The following FCAR variants were observed in gnomAD, a reference collection of about 807,000 sequenced individuals.
The protein encoded by FCAR is immunoglobulin alpha Fc receptor.
Under a neutral mutation model 27.1 loss-of-function variants are expected in FCAR, and 21 were observed. That is an observed-to-expected ratio of 0.77 (90% confidence interval 0.55 to 1.11). The LOEUF (loss-of-function observed/expected upper bound fraction) is 1.11. Among genes scored for constraint, FCAR ranks in the 50% most tolerant of loss-of-function variants. FCAR has a pLI of 0.00. For missense variants in FCAR, 404 were observed against 358.4 expected, an observed-to-expected ratio of 1.13 and a Z score of -1.03; for synonymous variants, 134 against 135.8, an observed-to-expected ratio of 0.99 and a Z score of 0.09.
Position 54,885,420 on chromosome 19 carries a change from G to A in FCAR, c.256G>A (p.Val86Ile), listed in dbSNP as rs763706635. The A allele has an allele frequency of 1.7e-5, 28 of 1,613,834 alleles. No individual in the cohort carries two copies. The highest frequency in any genetic ancestry group is 5.0e-5 in the Admixed American group (3 of 59,986). Residue 86 changes from valine (V) to isoleucine (I), a missense_variant, in exon 3 of 5, where the codon GTC becomes ATC. Coordinates refer to ENST00000355524, the MANE Select transcript of FCAR (RefSeq NM_002000.4). ...KFWNETDPEF[V>I]IDHMDANKAG... ...TTGGAATGAGACTGATCCTGAGTTC[G>A]TCATTGACCACATGGACGCAAACAA...
rs201085740 is a variant in FCAR at position 54,888,125 on chromosome 19, G to T, written c.480G>T (p.Lys160Asn). Residue 160 changes from lysine (K) to asparagine (N), a missense_variant, in exon 4 of 5, where the codon AAG becomes AAT. Lys to Asn is a moderately conservative substitution (Grantham distance 94, BLOSUM62 0). Coordinates refer to ENST00000355524, the MANE Select transcript of FCAR (RefSeq NM_002000.4). ...CATTTGATAGATTTTCACTGGCCAA[G>T]GAGGGAGAACTTTCTCTGCCACAGC... ...HIPFDRFSLA[K>N]EGELSLPQHQ... 2 of 1,614,080 alleles carry T rather than the reference G, an allele frequency of 1.2e-6. No homozygotes were observed. Among genetic ancestry groups the T allele is most frequent in the Non-Finnish European group, 1.7e-6 (2 of 1,179,972 alleles).
At chr19:54,881,769 GGAGGAT>G (rs1307433073) in intron 2 of FCAR, among the ~76,000 whole-genome samples, 1 of 152,136 alleles carries the variant, frequency 6.6e-6, no homozygotes, top group Admixed American at 6.5e-5. Context: ...CTACTCGGGA[GGAGGAT>G]GAGGCTGAGG....
intron 2 of FCAR, among the ~76,000 whole-genome samples, chr19:54,882,978 C>T (rs587694139): frequency 6.6e-6 from 1 of 151,986 alleles, no homozygotes; most frequent in Non-Finnish European, 1.5e-5. Flanking sequence ...AGGATCTTAG[C>T]CACAAGGCTC....
chr19:54,887,941 T>C (rs2066837102), intron 3 of FCAR, 66 bp from the exon 4 acceptor site: 1 of 1,235,876 alleles, frequency 8.1e-7, no homozygotes, highest in Non-Finnish European at 1.1e-6. Context: ...ATAATAACAA[T>C]AATAAGAAGA....
intron 2 of FCAR, among the ~76,000 whole-genome samples, chr19:54,877,550 A>G (rs944281542): frequency 2.0e-5 from 3 of 151,942 alleles, no homozygotes; most frequent in Admixed American, 6.6e-5. Flanking sequence ...CTACTCCTCG[A>G]TTTGCTGATC....
At chr19:54,886,297 CTTTATTTTTTTT>C (rs1247022530) in intron 3 of FCAR, among the ~76,000 whole-genome samples, 4 of 80,088 alleles carry the variant, frequency 5.0e-5, no homozygotes, top group African/African-American at 1.1e-4. Context: ...TGTCATGTAT[CTTTATTTTTTTT>C]TTTTTTTTTT....
At chr19:54,884,246 G>C (rs922323978) in intron 2 of FCAR, among the ~76,000 whole-genome samples, 9 of 152,336 alleles carry the variant, frequency 5.9e-5, no homozygotes, top group African/African-American at 2.2e-4. Context: ...CACCATGCCC[G>C]TGGCCTCTGC....
intron 2 of FCAR, among the ~76,000 whole-genome samples, chr19:54,876,624 G>C (rs186551740): frequency 1.3e-5 from 2 of 152,108 alleles, no homozygotes; most frequent in East Asian, 3.9e-4. Context: ...TCATATTTAA[G>C]ATTTGTGTAT....
rs774750018 is a variant in FCAR, at chr19:54,889,716, G to A, written c.717G>A (p.Val239=). 2 of 1,614,042 alleles carry A rather than the reference G, an allele frequency of 1.2e-6. No individual in the cohort carries two copies. Among genetic ancestry groups the A allele is most frequent in the African/African-American group, 2.7e-5 (2 of 74,930 alleles). ...IRMAVAGLVL[V]ALLAILVENW... ...TGGCCGTGGCAGGACTGGTCCTCGT[G>A]GCTCTCTTGGCCATACTGGTTGAAA... The change falls in exon 5 of 5, where the codon GTG becomes GTA. Residue 239 remains valine, a synonymous_variant. Transcript: ENST00000355524.
chr19:54,882,722 A>T, intron 2 of FCAR, among the ~76,000 whole-genome samples: 1 of 151,530 alleles, frequency 6.6e-6, no homozygotes, highest in South Asian at 2.1e-4. Flanking sequence ...TACAGGTGTG[A>T]GCCACCGCGC....
At position 54,888,029 on chromosome 19, in the gene FCAR, C is replaced by T. The variant is rs2066845868; in HGVS notation, c.384C>T (p.Leu128=). The T allele has an allele frequency of 6.2e-7, 1 of 1,613,650 alleles. No homozygotes were observed. The highest frequency in any genetic ancestry group is 1.1e-5 in the South Asian group (1 of 91,064). Residue 128 remains leucine (L), a synonymous_variant, in exon 4 of 5, where the codon CTC becomes CTT. Transcript: ENST00000355524. ...VVTGLYGKPF[L]SADRGLVLMP... is the part of the protein sequence containing the mutation. ...TAGGCTTGTATGGCAAACCCTTCCTCTCTGCAGATCGGGGTCTGGTGTTGA... is the reference window on the plus strand; with the variant it reads ...TAGGCTTGTATGGCAAACCCTTCCTTTCTGCAGATCGGGGTCTGGTGTTGA...
rs1299981857 is a variant in FCAR at position 54,885,295 on chromosome 19, C to G, written c.131C>G (p.Ser44Cys). 1 of 1,613,760 alleles carries G rather than the reference C, an allele frequency of 6.2e-7. No homozygotes were observed. The highest frequency in any genetic ancestry group is 2.2e-5 in the East Asian group (1 of 44,896). Residue 44 changes from serine (S) to cysteine (C), a missense_variant, in exon 3 of 5, where the codon TCT (serine) becomes TGT (cysteine). Physicochemically the swap from Ser to Cys is moderately radical, Grantham distance 112. Coordinates refer to ENST00000355524, the MANE Select transcript of FCAR (RefSeq NM_002000.4). ...KSSPVIPLDG[S>C]VKIQCQAIRE... ...AGTCCTGTGATTCCCTTGGATGGAT[C>G]TGTGAAAATCCAGTGCCAGGCCATT...
rs1474773992 is a variant in FCAR at position 54,889,290 on chromosome 19, T to G, written c.650-359T>G. 2.0e-5 allele frequency among the ~76,000 whole-genome samples: 3 copies of G among 148,514 alleles called. No individual in the cohort carries two copies. The East Asian group carries it at 6.0e-4, about 30-fold the overall frequency. On this transcript the variant is annotated intron_variant, in intron 4 of 4. Coordinates refer to ENST00000355524, the MANE Select transcript of FCAR (RefSeq NM_002000.4). ...TGGGAGGCTGAGGCAGGAGAATCACTTGACCAGGGAGGCGGAGGTTGCAGT... is the reference window on the plus strand; with the variant it reads ...TGGGAGGCTGAGGCAGGAGAATCACGTGACCAGGGAGGCGGAGGTTGCAGT...
At chr19:54,887,082 G>A (rs587756895) in intron 3 of FCAR, among the ~76,000 whole-genome samples, 7 of 148,578 alleles carry the variant, frequency 4.7e-5, no homozygotes, top group Middle Eastern at 3.5e-3. Context: ...TTGAGAAGCC[G>A]AGATGGGCAG....
chr19:54,882,113 C>G (rs907495256), intron 2 of FCAR, among the ~76,000 whole-genome samples: 19 of 152,080 alleles, frequency 1.2e-4, no homozygotes, highest in Non-Finnish European at 2.5e-4. Flanking sequence ...TCTGCACTCC[C>G]GAGCTGGGGG....
At chr19:54,879,710 C>G (rs958759791) in intron 2 of FCAR, among the ~76,000 whole-genome samples, 6 of 143,662 alleles carry the variant, frequency 4.2e-5, no homozygotes, top group African/African-American at 1.5e-4. Flanking sequence ...GAGTCTTGCT[C>G]TGTTGCCCAG....
intron 2 of FCAR, among the ~76,000 whole-genome samples, chr19:54,877,865 C>T (rs2145842303): frequency 6.6e-6 from 1 of 151,436 alleles, no homozygotes; most frequent in South Asian, 2.1e-4. Context: ...AGTATTTATT[C>T]CTATTTTTAT....
intron 2 of FCAR, among the ~76,000 whole-genome samples, chr19:54,884,213 G>A (rs1364505219): frequency 2.0e-5 from 3 of 152,212 alleles, no homozygotes; most frequent in African/African-American, 7.2e-5. Context: ...AACGGCAGGT[G>A]GAGCCATCTC....
In FCAR at chr19:54,889,788, G is replaced by A. The variant is rs1275725477; in HGVS notation, c.789G>A (p.Val263=). The change falls in exon 5 of 5, where the codon GTG becomes GTA. Residue 263 remains valine (V), a synonymous_variant. Coordinates refer to ENST00000355524, the MANE Select transcript of FCAR (RefSeq NM_002000.4). ...TGAACAAGGAAGCCTCGGCAGATGT[G>A]GCTGAACCGAGCTGGAGCCAACAGA... The part of the protein sequence containing the change: ...TALNKEASAD[V]AEPSWSQQMC... 6.2e-7 allele frequency: 1 copy of A among 1,613,446 alleles called. No individual in the cohort carries two copies. The highest frequency in any genetic ancestry group is 1.7e-5 in the Admixed American group (1 of 60,016).
Sources: gnomAD v4.1 joint callset for allele counts (sites outside exome capture counted in the v4.1 genomes callset) on GRCh38, gnomAD v4.1.1 for gene constraint, MANE v1.5 for transcripts, NCBI Gene and HGNC (gene_info 2026-07-23, HGNC 2026-07-21) for gene names.